FBLN5: variants seen among roughly 807,000 people sequenced by gnomAD.
FBLN5 encodes the protein fibulin 5, also known as fibulin-5.
In FBLN5, 24 loss-of-function variants were observed where a neutral mutation model predicts 61.6. That is an observed-to-expected ratio of 0.39 (90% confidence interval 0.28 to 0.55). The LOEUF is 0.55. Ranked by LOEUF, FBLN5 falls within the 20% of genes least tolerant of loss-of-function variation. The probability of loss-of-function intolerance (pLI) is 0.65; values close to 1 mark genes in which losing one functional copy is unlikely to be tolerated. For synonymous variants in FBLN5, 213 were observed against 219.8 expected (o/e 0.97, Z 0.27); for missense variants, 470 against 594.1 (o/e 0.79, Z 2.17).
In FBLN5 at chr14:91,884,315, G is replaced by A. The variant is rs776559414; in HGVS notation, c.740-1239C>T. Among the ~76,000 whole-genome samples the A allele has an allele frequency of 4.9e-4, 74 of 152,224 alleles. 1 individual carries two copies. Among genetic ancestry groups the A allele is most frequent in the Middle Eastern group, 6.8e-3 (2 of 294 alleles). Reference sequence around the variant, plus strand: ...ATATCTGATTTGGTTGTGCCTCCCCGCCTCCCCTAGAAGCCTTGTAGAGCC... The same window carrying A: ...ATATCTGATTTGGTTGTGCCTCCCCACCTCCCCTAGAAGCCTTGTAGAGCC... On this transcript the variant is annotated intron_variant, in intron 7 of 10. Transcript: ENST00000342058.
chr14:91,905,731 C>T (rs142020730), intron 4 of FBLN5, among the ~76,000 whole-genome samples: 2,051 of 151,850 alleles, frequency 0.014, 54 homozygotes, highest in African/African-American at 0.047. Flanking sequence ...AGGCACATGC[C>T]GCCATGCCCA....
At chr14:91,896,172 C>T (rs1595309410) in intron 4 of FBLN5, among the ~76,000 whole-genome samples, 1 of 152,228 alleles carries the variant, frequency 6.6e-6, no homozygotes. Context: ...CCCTGCACTG[C>T]ACTTTAGGGG....
At chr14:91,874,484 A>C (rs1889079954) in intron 10 of FBLN5, 1 of 152,224 alleles carries the variant, frequency 6.6e-6, no homozygotes, top group Non-Finnish European at 1.5e-5. Flanking sequence ...GTATAACAGC[A>C]CAGATTTTTG....
chr14:91,877,365 T>C (rs1165785417), intron 10 of FBLN5, 122 bp downstream of exon 10: 8 of 829,096 alleles, frequency 9.6e-6, no homozygotes, highest in African/African-American at 1.7e-5. Flanking sequence ...CACCCTCCAC[T>C]CTTCTCTCTG....
At chr14:91,889,155 G>T (rs1450928030) in intron 6 of FBLN5, among the ~76,000 whole-genome samples, 1 of 152,246 alleles carries the variant, frequency 6.6e-6, no homozygotes, top group Non-Finnish European at 1.5e-5. Context: ...CCCGTGGGAG[G>T]TTGGGGTTTC....
intron 4 of FBLN5, among the ~76,000 whole-genome samples, chr14:91,913,952 A>G (rs1891071704): frequency 6.6e-6 from 1 of 152,268 alleles, no homozygotes; most frequent in Admixed American, 6.5e-5. Flanking sequence ...CCATACATCC[A>G]AACTTATAGG....
chr14:91,922,654 G>A (rs2055760761), intron 4 of FBLN5, among the ~76,000 whole-genome samples: 1 of 152,182 alleles, frequency 6.6e-6, no homozygotes, highest in South Asian at 2.1e-4. Flanking sequence ...TGAGGTCTGA[G>A]GTGGGATTTT....
At chr14:91,889,951 T>C (rs1595304113) in intron 6 of FBLN5, among the ~76,000 whole-genome samples, 1 of 152,118 alleles carries the variant, frequency 6.6e-6, no homozygotes, top group African/African-American at 2.4e-5. Flanking sequence ...TGCCAGCCTG[T>C]GGCTGGCACC....
In FBLN5 at chr14:91,920,040, G is replaced by A. The variant is rs560018279; in HGVS notation, c.379+16907C>T. On this transcript the variant is annotated intron_variant, in intron 4 of 10. Coordinates refer to ENST00000342058, the MANE Select transcript of FBLN5 (RefSeq NM_006329.4). ...TGTTGACTAGAACTTATTAGCGTGC[G>A]TGTGGCTCTTGGGGCTTGACTTGGA... 5.3e-5 allele frequency among the ~76,000 whole-genome samples: 8 copies of A among 152,220 alleles called. No homozygotes were observed. The South Asian group carries it at 1.4e-3, about 28-fold the overall frequency.
At chr14:91,944,205 G>A (rs922384268) in intron 1 of FBLN5, among the ~76,000 whole-genome samples, 4 of 152,028 alleles carry the variant, frequency 2.6e-5, no homozygotes, top group Non-Finnish European at 5.9e-5. Flanking sequence ...GGTGGTACAC[G>A]CTCTGAGACA....
At position 91,882,391 on chromosome 14, in the gene FBLN5, C is replaced by G. The variant is rs1337950864; in HGVS notation, c.862+563G>C. Among the ~76,000 whole-genome samples the G allele has an allele frequency of 2.0e-5, 3 of 152,182 alleles. No homozygotes were observed. The highest frequency in any genetic ancestry group is 7.2e-5 in the African/African-American group (3 of 41,438). On this transcript the variant is annotated intron_variant, in intron 8 of 10. Coordinates refer to ENST00000342058, the MANE Select transcript of FBLN5 (RefSeq NM_006329.4). The surrounding 1 kb of genome is among the most constrained non-coding windows in gnomAD (Gnocchi z 4.9). ...GGGTCAGTTGCTTCTGCAATGACCC[C>G]TCAGTGGGTGGAGCATGGGGCTGGA... is the stretch of plus-strand genomic sequence containing the variant.
At chr14:91,915,054 G>A (rs1891128837) in intron 4 of FBLN5, among the ~76,000 whole-genome samples, 1 of 152,050 alleles carries the variant, frequency 6.6e-6, no homozygotes, top group African/African-American at 2.4e-5. Context: ...CAGCTACTTA[G>A]GAGGCTGAGG....
chr14:91,907,547 G>A (rs1566814227), intron 4 of FBLN5, among the ~76,000 whole-genome samples: 1 of 152,118 alleles, frequency 6.6e-6, no homozygotes, highest in Non-Finnish European at 1.5e-5. Context: ...GAGAGCCGGG[G>A]GGAGCTTCAC....
chr14:91,926,963 A>C (rs2055840126), intron 4 of FBLN5, among the ~76,000 whole-genome samples: 1 of 152,226 alleles, frequency 6.6e-6, no homozygotes, highest in Non-Finnish European at 1.5e-5. Flanking sequence ...GTGCAGTGAT[A>C]GGATTCGAAC....
chr14:91,905,895 G>A (rs563729725), intron 4 of FBLN5, among the ~76,000 whole-genome samples: 2 of 151,060 alleles, frequency 1.3e-5, no homozygotes, highest in East Asian at 2.0e-4. Context: ...TTGTTTGTTT[G>A]TTTGTTTTTT....
intron 9 of FBLN5, among the ~76,000 whole-genome samples, chr14:91,880,520 T>TGA (rs1889377300): frequency 8.9e-6 from 1 of 112,568 alleles, no homozygotes; most frequent in East Asian, 2.5e-4. Context: ...TGTGGGAGTG[T>TGA]GCGTGCGTGT....
At chr14:91,929,549 C>T (rs1169146850) in intron 4 of FBLN5, among the ~76,000 whole-genome samples, 3 of 152,190 alleles carry the variant, frequency 2.0e-5, no homozygotes, top group Non-Finnish European at 4.4e-5. Context: ...GATCAAAATC[C>T]AGTTCTTACT....
chr14:91,915,513 G>A (rs1208517912), intron 4 of FBLN5, among the ~76,000 whole-genome samples: 2 of 151,522 alleles, frequency 1.3e-5, no homozygotes, highest in Admixed American at 6.6e-5. Flanking sequence ...GTGAAACCCC[G>A]TCTCTATTAA....
At chr14:91,908,927 TA>T (rs1890797114) in intron 4 of FBLN5, among the ~76,000 whole-genome samples, 1 of 151,922 alleles carries the variant, frequency 6.6e-6, no homozygotes. Flanking sequence ...ATTAATTAAT[TA>T]TTTTTTTTGA....
Sources: gnomAD v4.1 joint callset for allele counts (sites outside exome capture counted in the v4.1 genomes callset) on GRCh38, gnomAD v4.1.1 for gene constraint, Gnocchi (gnomAD v3.1) non-coding constraint, MANE v1.5 for transcripts, NCBI Gene and HGNC (gene_info 2026-07-23, HGNC 2026-07-21) for gene names.